LRRC37A2: variants seen among roughly 807,000 people sequenced by gnomAD.
The protein encoded by LRRC37A2 is leucine-rich repeat-containing protein 37A2.
In LRRC37A2, 9 loss-of-function variants were observed where a neutral mutation model predicts 68.8. The observed-to-expected ratio is 0.13, with a 90% CI of 0.08 to 0.23. LRRC37A2 has a LOEUF of 0.23. LRRC37A2 is among the 10% of genes least tolerant of loss of function. LRRC37A2 has a pLI of 1.00. For synonymous variants in LRRC37A2, 63 were observed against 367.6 expected, an observed-to-expected ratio of 0.17 and a Z score of 9.48; for missense variants, 168 against 950.4, an observed-to-expected ratio of 0.18 and a Z score of 10.82.
At chr17:46,849,161 G>T in the LRRC37A2 span, among the ~76,000 whole-genome samples, 1 of 152,336 alleles carries the variant, frequency 6.6e-6, no homozygotes, top group African/African-American at 2.4e-5. Flanking sequence ...CACGCCATTG[G>T]CTGGCAAGGA....
chr17:46,929,858 A>G, the LRRC37A2 span: 1 of 412,932 alleles, frequency 2.4e-6, no homozygotes, highest in Non-Finnish European at 4.5e-6. Flanking sequence ...TCTTAATCTA[A>G]TTACCTAGTC....
At chr17:46,770,016 C>T in the LRRC37A2 span, 1 of 1,582,786 alleles carries the variant, frequency 6.3e-7, no homozygotes. Flanking sequence ...CCGGCCGAGG[C>T]GATGGCGTGA....
the LRRC37A2 span, chr17:46,875,322 C>A: frequency 1.2e-6 from 2 of 1,613,038 alleles, no homozygotes; most frequent in Non-Finnish European, 1.7e-6. Flanking sequence ...AAACAAGGAC[C>A]TGCGGGCACG....
chr17:46,856,309 G>A, the LRRC37A2 span, among the ~76,000 whole-genome samples: 1 of 152,166 alleles, frequency 6.6e-6, no homozygotes, highest in East Asian at 1.9e-4. Context: ...TGGATAGGGT[G>A]TCTGGCACAT....
At chr17:47,002,691 T>C in the LRRC37A2 span, among the ~76,000 whole-genome samples, 1 of 152,080 alleles carries the variant, frequency 6.6e-6, no homozygotes, top group Non-Finnish European at 1.5e-5. Context: ...CGCCTGGCCA[T>C]TAGTTATTTT....
At chr17:46,859,104 G>A in the LRRC37A2 span, among the ~76,000 whole-genome samples, 2 of 151,618 alleles carry the variant, frequency 1.3e-5, no homozygotes, top group Non-Finnish European at 2.9e-5. Context: ...AGCCTCCTGA[G>A]TAGCTGGAAG....
chr17:46,528,668 C>G (rs2053147599), intron 6 of LRRC37A2: 4 of 569,266 alleles, frequency 7.0e-6, no homozygotes, highest in East Asian at 3.0e-5. Context: ...TGCAGTGAGC[C>G]AAGATCACAC....
At chr17:46,791,774 G>A in the LRRC37A2 span, among the ~76,000 whole-genome samples, 2 of 152,168 alleles carry the variant, frequency 1.3e-5, no homozygotes, top group African/African-American at 2.4e-5. Flanking sequence ...GCATGGTGGC[G>A]CATGCCTATA....
chr17:46,900,202 T>TATAC, the LRRC37A2 span, among the ~76,000 whole-genome samples: 1,424 of 101,088 alleles, frequency 0.014, 50 homozygotes, highest in African/African-American at 0.052. Flanking sequence ...TATATATATA[T>TATAC]ACACACACAC....
the LRRC37A2 span, among the ~76,000 whole-genome samples, chr17:46,622,319 G>C: frequency 6.7e-6 from 1 of 148,766 alleles, no homozygotes; most frequent in Non-Finnish European, 1.5e-5. Context: ...TTAGCCAGGC[G>C]TGGTGGTGGG....
chr17:46,969,344 G>A, the LRRC37A2 span, among the ~76,000 whole-genome samples: 3 of 152,222 alleles, frequency 2.0e-5, no homozygotes, highest in Admixed American at 1.3e-4. Context: ...GAGGCTGGCT[G>A]GTGTCAGCAG....
At chr17:47,001,131 C>T in the LRRC37A2 span, among the ~76,000 whole-genome samples, 5 of 152,082 alleles carry the variant, frequency 3.3e-5, no homozygotes, top group African/African-American at 1.2e-4. Flanking sequence ...CCTGCACTCC[C>T]GGTGTTCGGG....
chr17:46,790,109 G>A, the LRRC37A2 span, among the ~76,000 whole-genome samples: 2 of 152,150 alleles, frequency 1.3e-5, no homozygotes, highest in Non-Finnish European at 2.9e-5. Flanking sequence ...GCAGTCCAGA[G>A]CGAGCCTCAA....
the LRRC37A2 span, chr17:47,005,799 T>TAAGAAAATTA: frequency 6.6e-6 from 1 of 152,120 alleles, no homozygotes; most frequent in Non-Finnish European, 1.5e-5. Flanking sequence ...ATTAAGAAAA[T>TAAGAAAATTA]AGCATCAAAG....
At chr17:47,021,936 T>C in the LRRC37A2 span, 3 of 1,510,998 alleles carry the variant, frequency 2.0e-6, no homozygotes, top group Non-Finnish European at 2.8e-6. Context: ...GTATATTCTC[T>C]CCAAATATGA....
At chr17:46,882,985 A>G in the LRRC37A2 span, among the ~76,000 whole-genome samples, 1 of 144,772 alleles carries the variant, frequency 6.9e-6, no homozygotes, top group Admixed American at 6.9e-5. Flanking sequence ...CATGATCCCC[A>G]TTTTTTTTTT....
chr17:46,931,215 C>T, the LRRC37A2 span: 2 of 1,210,182 alleles, frequency 1.7e-6, no homozygotes, highest in Non-Finnish European at 2.5e-6. Flanking sequence ...ACTGTAAGTG[C>T]TGACCTCTGA....
the LRRC37A2 span, among the ~76,000 whole-genome samples, chr17:46,724,718 C>T: frequency 1.9e-4 from 29 of 152,292 alleles, no homozygotes; most frequent in Admixed American, 4.6e-4. Flanking sequence ...ATTTATTATC[C>T]TCTGCAGTGC....
At chr17:46,840,795 GTCT>G in the LRRC37A2 span, among the ~76,000 whole-genome samples, 1 of 152,192 alleles carries the variant, frequency 6.6e-6, no homozygotes, top group African/African-American at 2.4e-5. Flanking sequence ...CTGCATAAAT[GTCT>G]TCTTTTGAGA....
Sources: allele counts gnomAD v4.1 joint callset (sites outside exome capture counted in the v4.1 genomes callset), GRCh38; gene constraint gnomAD v4.1.1; transcripts MANE v1.5; gene names NCBI Gene and HGNC (gene_info 2026-07-23, HGNC 2026-07-21).